Variants in ESYT2 observed in about 807,000 individuals in gnomAD.
The protein encoded by ESYT2 is extended synaptotagmin-2.
ESYT2 carries 54 observed loss-of-function variants against 107.2 expected under a neutral mutation model. The ratio of observed to expected loss-of-function variants is 0.50; its 90% CI spans 0.40 to 0.63. ESYT2 has a LOEUF of 0.63. ESYT2 is among the 30% of genes least tolerant of loss of function. The pLI, the probability that ESYT2 is intolerant of heterozygous loss-of-function variation, is 0.00. For missense variants in ESYT2, 1,020 were observed against 1,094.5 expected (o/e 0.93, Z 0.96); for synonymous variants, 491 against 434.1 (o/e 1.13, Z -1.63).
chr7:158,781,537 AAGAACG>A (rs1231509746), intron 6 of ESYT2, among the ~76,000 whole-genome samples: 1 of 152,030 alleles, frequency 6.6e-6, no homozygotes, highest in Non-Finnish European at 1.5e-5. Context: ...GTGTGAGTGT[AAGAACG>A]AGAACAAGTG....
intron 6 of ESYT2, among the ~76,000 whole-genome samples, chr7:158,782,090 TGA>T (rs1183781629): frequency 1.3e-5 from 2 of 149,726 alleles, no homozygotes; most frequent in African/African-American, 2.5e-5. Flanking sequence ...AGAACAAATG[TGA>T]GTGAACGACA....
chr7:158,734,467 A>G lies in ESYT2; in HGVS notation c.2510T>C (p.Leu837Ser). The change falls in exon 22 of 23, where the codon TTG (leucine) becomes TCG (serine). Residue 837 changes from leucine to serine, a missense_variant. By Grantham distance (145) the Leu-to-Ser change is moderately radical (BLOSUM62 -2). Transcript: ENST00000275418. ...AAGTTCTTCAGATGCCAGAGCAACC[A>G]ATACCTGTGGGTTGTTAAAAAAGCA... is the stretch of plus-strand genomic sequence containing the variant. ...SKDKGLLGKV[L>S]VALASEELAK... The G allele has an allele frequency of 6.2e-7, 1 of 1,613,748 alleles. No individual in the cohort carries two copies. The highest frequency in any genetic ancestry group is 8.5e-7 in the Non-Finnish European group (1 of 1,179,826).
At chr7:158,773,526 C>G (rs842448) in intron 6 of ESYT2, 130 bp from the exon 7 acceptor site, 2 of 780,444 alleles carry the variant, frequency 2.6e-6, no homozygotes, top group Non-Finnish European at 4.0e-6. Flanking sequence ...CTTCATCCTT[C>G]GTAATATACC....
intron 6 of ESYT2, among the ~76,000 whole-genome samples, chr7:158,785,106 C>A (rs1170322241): frequency 6.6e-6 from 1 of 152,144 alleles, no homozygotes; most frequent in East Asian, 1.9e-4. Context: ...AACAATTATC[C>A]AAGCTTTTCT....
chr7:158,812,943 C>T (rs549706345), intron 1 of ESYT2, among the ~76,000 whole-genome samples: 1 of 152,212 alleles, frequency 6.6e-6, no homozygotes, highest in South Asian at 2.1e-4. Flanking sequence ...CAGGGTGTGA[C>T]CACGAATGGG....
chr7:158,763,906 C>T (rs1838062976), intron 9 of ESYT2, among the ~76,000 whole-genome samples: 1 of 152,158 alleles, frequency 6.6e-6, no homozygotes, highest in Non-Finnish European at 1.5e-5. Context: ...GGGTAAGAAA[C>T]TGGCAAGAGA....
rs1440029336 is a variant in ESYT2, at chr7:158,741,686, C to T, written c.2005G>A (p.Glu669Lys). The stretch of plus-strand genomic sequence containing the variant: ...TCGTGCAGCCCCTGAGGGCCGGCCT[C>T]AGGGGGCTGGGCCTTTTCTTCCATA... Reference protein sequence around the residue: ...PGMEEKAQPPEAGPQGLHDLG... With the variant: ...PGMEEKAQPPKAGPQGLHDLG... The change falls in exon 18 of 23, where the codon GAG becomes AAG. Residue 669 changes from glutamate to lysine, a missense_variant. Physicochemically the swap from Glu to Lys is moderately conservative, Grantham distance 56 (BLOSUM62 1). Coordinates refer to ENST00000275418, the MANE Select transcript of ESYT2 (RefSeq NM_001367773.1). 2 of 1,614,100 alleles carry T rather than the reference C, an allele frequency of 1.2e-6. No individual in the cohort carries two copies. The highest frequency in any genetic ancestry group is 2.2e-5 in the East Asian group (1 of 44,846).
chr7:158,794,817 T>C (rs1174300773), intron 3 of ESYT2, among the ~76,000 whole-genome samples: 1 of 152,170 alleles, frequency 6.6e-6, no homozygotes, highest in Non-Finnish European at 1.5e-5. Flanking sequence ...TACTACTGCT[T>C]ACTTTGACAA....
intron 3 of ESYT2, among the ~76,000 whole-genome samples, chr7:158,794,836 G>A (rs1362637247): frequency 1.3e-5 from 2 of 152,186 alleles, no homozygotes; most frequent in African/African-American, 2.4e-5. Context: ...AAGCATGAGT[G>A]TATTAAAATC....
At position 158,826,382 on chromosome 7, in the gene ESYT2, T is replaced by C. The variant is rs1256196006; in HGVS notation, c.330+2707A>G. On this transcript the variant is annotated intron_variant, in intron 1 of 22. Coordinates refer to ENST00000275418, the MANE Select transcript of ESYT2 (RefSeq NM_001367773.1). Reference sequence around the variant, plus strand: ...ACACATGTGGGATTATGAGCTCAAGTACAAATTTGGAATAAACAAGTAAAA... The same window carrying C: ...ACACATGTGGGATTATGAGCTCAAGCACAAATTTGGAATAAACAAGTAAAA... 3.3e-5 allele frequency among the ~76,000 whole-genome samples: 5 copies of C among 152,274 alleles called. 1 individual carries two copies. Among genetic ancestry groups the C allele is most frequent in the Admixed American group, 2.6e-4 (4 of 15,290 alleles).
At position 158,737,173 on chromosome 7, in the gene ESYT2, G is replaced by A; in HGVS notation, c.2274C>T (p.Leu758=). 6.2e-7 allele frequency: 1 copy of A among 1,613,688 alleles called. No individual in the cohort carries two copies. The part of the protein sequence containing the change: ...LIVVVHACRN[L]IAFSEDGSDP... ...CAGAGCCGTCTTCAGAGAAGGCAAT[G>A]AGGTTTCTTACAACACAAACCAGAT... is the stretch of plus-strand genomic sequence containing the variant. Residue 758 remains leucine (L), a synonymous_variant, in exon 20 of 23, where the codon CTC becomes CTT. Coordinates refer to ENST00000275418, the MANE Select transcript of ESYT2 (RefSeq NM_001367773.1).
chr7:158,735,475 A>G (rs774606020), intron 21 of ESYT2, 28 bp downstream of exon 21: 2 of 1,581,998 alleles, frequency 1.3e-6, no homozygotes, highest in Non-Finnish European at 1.7e-6. Flanking sequence ...AACTGCAGGA[A>G]CTGGTTGAGG....
At chr7:158,755,271 T>A (rs144682170) in intron 13 of ESYT2, among the ~76,000 whole-genome samples, 178 of 152,318 alleles carry the variant, frequency 1.2e-3, no homozygotes, top group Non-Finnish European at 2.1e-3. Context: ...TGGGGAAAAC[T>A]GAGAAGCACT....
At chr7:158,770,767 G>A (rs893516358) in intron 7 of ESYT2, among the ~76,000 whole-genome samples, 49 of 151,772 alleles carry the variant, frequency 3.2e-4, no homozygotes, top group African/African-American at 9.4e-4. Context: ...CACCTGCCTC[G>A]GCCTCCCAAA....
chr7:158,748,323 G>T, intron 15 of ESYT2, 43 bp from the exon 16 acceptor site: 1 of 1,458,770 alleles, frequency 6.9e-7, no homozygotes, highest in Non-Finnish European at 9.6e-7. Flanking sequence ...ATTTTCTGTG[G>T]AAAAGGGCTA....
chr7:158,791,167 C>A (rs886554575), intron 4 of ESYT2, among the ~76,000 whole-genome samples: 1 of 152,150 alleles, frequency 6.6e-6, no homozygotes, highest in African/African-American at 2.4e-5. Context: ...TTTGACTCCC[C>A]CAGAAACCTC....
chr7:158,784,948 C>A (rs1371165149), intron 6 of ESYT2, among the ~76,000 whole-genome samples: 1 of 152,144 alleles, frequency 6.6e-6, no homozygotes, highest in African/African-American at 2.4e-5. Flanking sequence ...GAAAGACCTC[C>A]GGGATCCCCT....
Position 158,768,765 on chromosome 7 carries a change from C to T in ESYT2, c.804-991G>A, listed in dbSNP as rs183640082. On this transcript the variant is annotated intron_variant, in intron 7 of 22. Coordinates refer to ENST00000275418, the MANE Select transcript of ESYT2 (RefSeq NM_001367773.1). ...TTTTTTGGCCGGGCACGGTGCCTTA[C>T]GCCTGTAATCCCTACACTTTGGGGA... is the stretch of plus-strand genomic sequence containing the variant. 1.5e-4 allele frequency among the ~76,000 whole-genome samples: 23 copies of T among 152,296 alleles called. No individual in the cohort carries two copies. The Middle Eastern group carries it at 0.01, about 68-fold the overall frequency.
At chr7:158,766,233 ACAG>A (rs1237427374) in intron 8 of ESYT2, among the ~76,000 whole-genome samples, 1 of 152,128 alleles carries the variant, frequency 6.6e-6, no homozygotes, top group East Asian at 1.9e-4. Flanking sequence ...ATGTCCCCCC[ACAG>A]AGGAACACAC....
Sources: gnomAD v4.1 joint callset for allele counts (sites outside exome capture counted in the v4.1 genomes callset) on GRCh38, gnomAD v4.1.1 for gene constraint, MANE v1.5 for transcripts, NCBI Gene and HGNC (gene_info 2026-07-23, HGNC 2026-07-21) for gene names.